SUMF1: variants seen among roughly 807,000 people sequenced by gnomAD.
The protein encoded by SUMF1 is sulfatase modifying factor 1.
A neutral mutation model predicts 47.6 loss-of-function variants in SUMF1; 48 were observed. That is an observed-to-expected ratio of 1.01 (90% CI 0.80 to 1.28). The LOEUF (loss-of-function observed/expected upper bound fraction) is 1.28. SUMF1 is among the 50% of genes most tolerant of loss of function. The probability of loss-of-function intolerance (pLI) is 0.00; values close to 1 mark genes in which losing one functional copy is unlikely to be tolerated. For missense variants in SUMF1, 571 were observed against 485.4 expected, an observed-to-expected ratio of 1.18 and a Z score of -1.66; for synonymous variants, 230 against 192.1, an observed-to-expected ratio of 1.20 and a Z score of -1.63.
rs540602020 is a variant in SUMF1, at chr3:4,182,975, G to A, written c.1015-114230C>T. ...CCCAGCCAATTATCTTGGACTCGGG[G>A]CCCCAGTAGACACTGAGGTTGGCTT... On this transcript the variant is annotated intron_variant and NMD_transcript_variant, in intron 8 of 12. Coordinates refer to the SUMF1 transcript ENST00000448413. 2.3e-3 allele frequency among the ~76,000 whole-genome samples: 356 copies of A among 152,216 alleles called. 1 individual carries two copies. Among genetic ancestry groups the A allele is most frequent in the African/African-American group, 7.2e-3 (299 of 41,532 alleles).
intron 9 of SUMF1, among the ~76,000 whole-genome samples, chr3:4,039,325 A>C: frequency 9.3e-6 from 1 of 107,792 alleles, no homozygotes; most frequent in South Asian, 4.1e-4. Flanking sequence ...GCACCCACTA[A>C]TGTGTCATCT....
At chr3:4,093,734 A>G (rs189605414) in intron 8 of SUMF1, among the ~76,000 whole-genome samples, 1 of 152,242 alleles carries the variant, frequency 6.6e-6, no homozygotes, top group East Asian at 1.9e-4. Flanking sequence ...TCTTCAGGCA[A>G]AGGAGTCAGA....
intron 4 of SUMF1, among the ~76,000 whole-genome samples, chr3:4,419,666 G>C (rs1701826910): frequency 6.6e-6 from 1 of 152,276 alleles, no homozygotes; most frequent in South Asian, 2.1e-4. Context: ...GGCTTCCACA[G>C]TGGCAACCTG....
At chr3:4,390,859 T>C (rs1700839325) in intron 7 of SUMF1, among the ~76,000 whole-genome samples, 1 of 152,204 alleles carries the variant, frequency 6.6e-6, no homozygotes, top group African/African-American at 2.4e-5. Context: ...TCAGCCACTC[T>C]GCTTTAACTT....
chr3:4,248,586 C>T (rs769088592), intron 8 of SUMF1, among the ~76,000 whole-genome samples: 4 of 152,176 alleles, frequency 2.6e-5, no homozygotes, highest in African/African-American at 7.2e-5. Context: ...TGCATCACCA[C>T]ATACCTGAGA....
chr3:4,291,374 C>G (rs927748687), intron 8 of SUMF1, among the ~76,000 whole-genome samples: 2 of 152,046 alleles, frequency 1.3e-5, no homozygotes, highest in Admixed American at 6.6e-5. Context: ...TCTCTCTCCC[C>G]CTCATCTCTG....
At chr3:4,157,623 T>C (rs1452547479) in intron 8 of SUMF1, among the ~76,000 whole-genome samples, 1 of 151,626 alleles carries the variant, frequency 6.6e-6, no homozygotes, top group Non-Finnish European at 1.5e-5. Flanking sequence ...TCTTCTTCCC[T>C]GTGTTCTTCT....
chr3:4,316,251 A>G (rs1281830308), intron 8 of SUMF1: 10 of 780,628 alleles, frequency 1.3e-5, no homozygotes, highest in African/African-American at 3.4e-5. Flanking sequence ...AATTCGAGCA[A>G]TTTTCTTATT....
chr3:4,443,702 C>A (rs554486555), intron 3 of SUMF1, among the ~76,000 whole-genome samples: 1 of 151,934 alleles, frequency 6.6e-6, no homozygotes, highest in East Asian at 1.9e-4. Context: ...GAAGTCAAGG[C>A]TGCAGTGAGC....
At chr3:4,248,800 G>T (rs182761759) in intron 8 of SUMF1, among the ~76,000 whole-genome samples, 4 of 152,344 alleles carry the variant, frequency 2.6e-5, no homozygotes, top group African/African-American at 4.8e-5. Flanking sequence ...TATAGGAAAA[G>T]AAAGTGTTGA....
chr3:4,167,556 G>T (rs1267895295), intron 8 of SUMF1, among the ~76,000 whole-genome samples: 1 of 152,072 alleles, frequency 6.6e-6, no homozygotes, highest in African/African-American at 2.4e-5. Context: ...ACAGAGTGCA[G>T]ATTGGTGCAT....
chr3:4,177,259 G>T (rs1366612102), intron 8 of SUMF1, among the ~76,000 whole-genome samples: 4 of 151,948 alleles, frequency 2.6e-5, no homozygotes, highest in African/African-American at 9.7e-5. Flanking sequence ...CCACATCACA[G>T]TTATTCTAAA....
At chr3:4,130,606 G>A (rs899508003) in intron 8 of SUMF1, among the ~76,000 whole-genome samples, 3 of 152,010 alleles carry the variant, frequency 2.0e-5, no homozygotes, top group East Asian at 1.9e-4. Context: ...ACTAAAATTC[G>A]GGGAACTTCT....
intron 4 of SUMF1, among the ~76,000 whole-genome samples, chr3:4,419,000 T>C (rs1358144391): frequency 6.6e-6 from 1 of 152,180 alleles, no homozygotes; most frequent in Non-Finnish European, 1.5e-5. Flanking sequence ...GGCCTTTCAT[T>C]TATTCTTTCA....
intron 8 of SUMF1, among the ~76,000 whole-genome samples, chr3:4,105,330 G>C (rs924069100): frequency 6.6e-6 from 1 of 152,094 alleles, no homozygotes. Flanking sequence ...GGTGATTATA[G>C]TTAATAACAA....
intron 8 of SUMF1, among the ~76,000 whole-genome samples, chr3:4,275,589 C>T (rs985105541): frequency 1.3e-5 from 2 of 152,106 alleles, no homozygotes; most frequent in East Asian, 1.9e-4. Flanking sequence ...ACTGGTGATC[C>T]CTTTGGAATA....
At chr3:4,233,329 G>A (rs1696341704) in intron 8 of SUMF1, among the ~76,000 whole-genome samples, 1 of 152,070 alleles carries the variant, frequency 6.6e-6, no homozygotes, top group South Asian at 2.1e-4. Context: ...TGAACAATGA[G>A]GTATATGTTA....
At position 4,371,427 on chromosome 3, in the gene SUMF1, CA is replaced by C. The variant is rs145062051; in HGVS notation, c.1014+4902del. Among the ~76,000 whole-genome samples, 588 of 152,290 alleles carry C rather than the reference CA, an allele frequency of 3.9e-3. 2 individuals are homozygous for C. Among genetic ancestry groups the C allele is most frequent in the Non-Finnish European group, 5.2e-3 (351 of 68,022 alleles). ...GGGGCTTCAAAGTAAAGGGGAGCAG[CA>C]ATATGGTTTTTATGAGAGGGAGACT... On this transcript the variant is annotated intron_variant, in intron 8 of 8. Transcript: ENST00000272902.
intron 8 of SUMF1, among the ~76,000 whole-genome samples, chr3:4,346,465 G>A (rs906657403): frequency 3.9e-5 from 6 of 152,140 alleles, no homozygotes; most frequent in African/African-American, 1.4e-4. Context: ...ATATCAGGAA[G>A]TTCTTTGAAA....
Sources: allele counts gnomAD v4.1 joint callset (sites outside exome capture counted in the v4.1 genomes callset), GRCh38; gene constraint gnomAD v4.1.1; transcripts MANE v1.5; gene names NCBI Gene and HGNC (gene_info 2026-07-23, HGNC 2026-07-21).